IFNAR1: variants seen among roughly 807,000 people sequenced by gnomAD.
IFNAR1 encodes the protein interferon alpha and beta receptor subunit 1.
IFNAR1 carries 47 observed loss-of-function variants against 62.1 expected under a neutral mutation model. The ratio of observed to expected loss-of-function variants is 0.76; its 90% CI spans 0.60 to 0.97. The LOEUF (loss-of-function observed/expected upper bound fraction) is 0.97. Ranked by LOEUF, IFNAR1 falls within the 50% of genes least tolerant of loss-of-function variation. The pLI is 0.00. For missense variants in IFNAR1, 638 were observed against 654.5 expected, an observed-to-expected ratio of 0.97 and a Z score of 0.27; for synonymous variants, 219 against 226.9, an observed-to-expected ratio of 0.97 and a Z score of 0.31.
intron 1 of IFNAR1, 74 bp from the exon 2 acceptor site, chr21:33,335,450 G>A (rs1312607565): frequency 1.1e-5 from 9 of 807,716 alleles, no homozygotes; most frequent in Non-Finnish European, 1.7e-5. Context: ...AATCAGGGAT[G>A]TGAGGGATAG....
intron 6 of IFNAR1, among the ~76,000 whole-genome samples, chr21:33,347,599 G>T (rs1045574567): frequency 6.6e-6 from 1 of 152,110 alleles, no homozygotes; most frequent in Non-Finnish European, 1.5e-5. Context: ...ATCTGATTAG[G>T]TCAGGCCCAC....
rs2083446408 is a variant in IFNAR1, at chr21:33,356,151, G to C, written c.*602G>C. ...CAGTGGCCACCCGTCTTCCTCCTGT[G>C]AGCCTAAGTGCAGCCGTGCTAGCTG... On this transcript the variant is annotated 3_prime_UTR_variant, in exon 11 of 11. Transcript: ENST00000270139. 6.6e-6 allele frequency: 1 copy of C among 152,268 alleles called. No individual in the cohort carries two copies. The highest frequency in any genetic ancestry group is 1.5e-5 in the Non-Finnish European group (1 of 68,076). 9.4% of individuals were successfully genotyped at this position (152,268 alleles called of 1,614,324 possible).
Position 33,352,756 on chromosome 21 carries a change from A to T in IFNAR1, c.1144-2A>T. ...TATCAGTGATTTAATTATATTTTCT[A>T]GAGAAAAATTATCGAGAAAAAAACT... On this transcript the variant is annotated splice_acceptor_variant, in intron 8 of 10. Transcript: ENST00000270139. LOFTEE classifies it high-confidence loss of function. The T allele has an allele frequency of 6.9e-7, 1 of 1,450,754 alleles. No individual in the cohort carries two copies. Among genetic ancestry groups the T allele is most frequent in the Non-Finnish European group, 9.5e-7 (1 of 1,055,990 alleles). The allele number at this position is 1,450,754 out of a possible 1,614,324, so 89.9% of individuals were successfully genotyped here.
At chr21:33,344,782 T>TTATTTATTTATG (rs766829156) in intron 5 of IFNAR1, among the ~76,000 whole-genome samples, 31,200 of 150,352 alleles carry the variant, frequency 0.21, 3,727 homozygotes, top group Non-Finnish European at 0.27. Flanking sequence ...ATTTATTTAT[T>TTATTTATTTATG]TATTTATTTA....
chr21:33,349,269 A>G lies in IFNAR1; in HGVS notation c.967A>G (p.Lys323Glu). Reference sequence around the variant, plus strand: ...CACATCTTTTTGGTCTGAAGAGATAAAGTTTGATACTGAAATACAAGGTAA... The same window carrying G: ...CACATCTTTTTGGTCTGAAGAGATAGAGTTTGATACTGAAATACAAGGTAA... ...NNTSFWSEEI[K>E]FDTEIQAFLL... is the part of the protein sequence containing the mutation. The change falls in exon 7 of 11, where the codon AAG becomes GAG. Residue 323 changes from lysine to glutamate, a missense_variant. Transcript: ENST00000270139. 1 of 1,607,116 alleles carries G rather than the reference A, an allele frequency of 6.2e-7. No homozygotes were observed. The highest frequency in any genetic ancestry group is 8.5e-7 in the Non-Finnish European group (1 of 1,175,286).
chr21:33,353,694 C>T lies in IFNAR1; in HGVS notation c.1351C>T (p.Pro451Ser). ...VGICIALFAL[P>S]FVIYAAKVFL... ...AATTTGTATTGCATTATTTGCTCTC[C>T]CGTTTGTCATTTATGCTGCGAAAGT... The change falls in exon 10 of 11, where the codon CCG (proline) becomes TCG (serine). Residue 451 changes from proline to serine, a missense_variant. Pro to Ser is a moderately conservative substitution (Grantham distance 74). Transcript: ENST00000270139. 1.3e-6 allele frequency: 2 copies of T among 1,582,812 alleles called. No homozygotes were observed. Among genetic ancestry groups the T allele is most frequent in the Non-Finnish European group, 1.7e-6 (2 of 1,167,154 alleles).
chr21:33,341,189 C>G lies in IFNAR1; in HGVS notation c.376+15C>G, dbSNP rs373869521. ...ATTTCGCAAAGGTAAGAAAAAGTTGCTAGCTGAATTATATTCTTTAGTAAA... is the reference window on the plus strand; with the variant it reads ...ATTTCGCAAAGGTAAGAAAAAGTTGGTAGCTGAATTATATTCTTTAGTAAA... On this transcript the variant is annotated intron_variant, in intron 3 of 10. Coordinates refer to ENST00000270139, the MANE Select transcript of IFNAR1 (RefSeq NM_000629.3). 2.5e-6 allele frequency: 4 copies of G among 1,586,708 alleles called. No individual in the cohort carries two copies. In the African/African-American group the frequency reaches 4.1e-5, roughly 16 times the overall value.
At position 33,335,536 on chromosome 21, in the gene IFNAR1, TA is replaced by T; in HGVS notation, c.93del (p.Lys31AsnfsTer6). The T allele has an allele frequency of 6.3e-7, 1 of 1,593,172 alleles. No homozygotes were observed. The highest frequency in any genetic ancestry group is 8.6e-7 in the Non-Finnish European group (1 of 1,165,666). On this transcript the variant is annotated frameshift_variant, in exon 2 of 11. Transcript: ENST00000270139. LOFTEE classifies it high-confidence loss of function. ...VLSAAAGGKN[L>X]KSPQKVEVDI... Reference sequence around the variant, plus strand: ...GTTGCTTTTATAGGTGGAAAAAATCTAAAATCTCCTCAAAAAGTAGAGGTCG... The same window carrying T: ...GTTGCTTTTATAGGTGGAAAAAATCTAAATCTCCTCAAAAAGTAGAGGTCG...
intron 1 of IFNAR1, among the ~76,000 whole-genome samples, chr21:33,330,341 T>C (rs547030845): frequency 9.7e-4 from 148 of 152,198 alleles, no homozygotes; most frequent in Middle Eastern, 3.4e-3. Context: ...GCTAGAAATC[T>C]CCCTCTGCTT....
intron 2 of IFNAR1, among the ~76,000 whole-genome samples, chr21:33,340,411 A>G (rs951079626): frequency 5.9e-5 from 9 of 152,204 alleles, no homozygotes; most frequent in African/African-American, 1.9e-4. Flanking sequence ...GAGTGCAGTG[A>G]TATGATCATA....
chr21:33,343,468 T>G (rs1568930167), intron 4 of IFNAR1, 46 bp downstream of exon 4: 1 of 1,571,668 alleles, frequency 6.4e-7, no homozygotes, highest in South Asian at 1.1e-5. Context: ...AGAGAAAAAT[T>G]AGGCGAATTA....
At chr21:33,340,592 A>G (rs1249565409) in intron 2 of IFNAR1, among the ~76,000 whole-genome samples, 1 of 151,856 alleles carries the variant, frequency 6.6e-6, no homozygotes, top group African/African-American at 2.4e-5. Flanking sequence ...CAAACTTTCA[A>G]TAAGGAAGAT....
At chr21:33,331,507 C>A (rs1032988667) in intron 1 of IFNAR1, among the ~76,000 whole-genome samples, 2 of 152,144 alleles carry the variant, frequency 1.3e-5, no homozygotes, top group African/African-American at 4.8e-5. Context: ...AACTGTAGTA[C>A]CCCGCTTCCC....
Position 33,345,714 on chromosome 21 carries a change from A to G in IFNAR1, c.788+354A>G, listed in dbSNP as rs143297277. Reference sequence around the variant, plus strand: ...AGTTGACCCTGATCTTTTTCTAAGAACTCACTTCTTCCATGAGTCCTTAAA... The same window carrying G: ...AGTTGACCCTGATCTTTTTCTAAGAGCTCACTTCTTCCATGAGTCCTTAAA... On this transcript the variant is annotated intron_variant, in intron 6 of 10. Transcript: ENST00000270139. Among the ~76,000 whole-genome samples, 60 of 152,312 alleles carry G rather than the reference A, an allele frequency of 3.9e-4. No homozygotes were observed. The East Asian group carries it at 0.01, about 25-fold the overall frequency.
intron 3 of IFNAR1, 55 bp downstream of exon 3, chr21:33,341,229 T>G: frequency 2.9e-6 from 4 of 1,372,732 alleles, no homozygotes; most frequent in Non-Finnish European, 4.0e-6. Context: ...ACCAGAGCAG[T>G]TCACTTTCCA....
At chr21:33,339,364 C>A (rs1601857674) in intron 2 of IFNAR1, among the ~76,000 whole-genome samples, 1 of 152,152 alleles carries the variant, frequency 6.6e-6, no homozygotes, top group Non-Finnish European at 1.5e-5. Context: ...TGAAGTATTT[C>A]ATATGCTAGT....
intron 3 of IFNAR1, among the ~76,000 whole-genome samples, chr21:33,341,992 C>T (rs919572111): frequency 5.3e-5 from 8 of 152,132 alleles, no homozygotes; most frequent in Non-Finnish European, 8.8e-5. Context: ...ATTGTTATTT[C>T]TTAATGGATT....
intron 1 of IFNAR1, among the ~76,000 whole-genome samples, chr21:33,331,097 C>T (rs2083175028): frequency 6.6e-6 from 1 of 152,202 alleles, no homozygotes; most frequent in Non-Finnish European, 1.5e-5. Context: ...GCTGGTGGCT[C>T]AACATCCCTA....
chr21:33,340,176 T>C (rs2083280890), intron 2 of IFNAR1, among the ~76,000 whole-genome samples: 1 of 151,988 alleles, frequency 6.6e-6, no homozygotes, highest in South Asian at 2.1e-4. Flanking sequence ...TTGTGGTTTC[T>C]GATGATGTAA....
Sources: allele counts gnomAD v4.1 joint callset (sites outside exome capture counted in the v4.1 genomes callset), GRCh38; gene constraint gnomAD v4.1.1; transcripts MANE v1.5; gene names NCBI Gene and HGNC (gene_info 2026-07-23, HGNC 2026-07-21).